MYO7A: variants seen among roughly 807,000 people sequenced by gnomAD.
The protein encoded by MYO7A is unconventional myosin-VIIa.
In MYO7A, 210 loss-of-function variants were observed where a neutral mutation model predicts 263.8. The ratio of observed to expected loss-of-function variants is 0.80; its 90% CI spans 0.71 to 0.89. MYO7A has a LOEUF of 0.89. MYO7A is among the 40% of genes least tolerant of loss of function. MYO7A has a pLI of 0.00. For missense variants in MYO7A, 2,820 were observed against 2,968.3 expected (o/e 0.95, Z 1.16); for synonymous variants, 1,239 against 1,197.3 (o/e 1.03, Z -0.72).
intron 5 of MYO7A, 112 bp from the exon 6 acceptor site, chr11:77,156,548 C>G: frequency 6.7e-7 from 1 of 1,491,046 alleles, no homozygotes; most frequent in Non-Finnish European, 9.2e-7. Flanking sequence ...TCCGTATTGT[C>G]AGCTGATATT....
intron 32 of MYO7A, among the ~76,000 whole-genome samples, chr11:77,196,039 C>G (rs773320115): frequency 1.3e-5 from 2 of 152,202 alleles, no homozygotes; most frequent in African/African-American, 4.8e-5. Flanking sequence ...TGGATTACAG[C>G]CCACCCAAGA....
At chr11:77,149,094 A>C (rs931820669) in intron 4 of MYO7A, among the ~76,000 whole-genome samples, 1 of 152,228 alleles carries the variant, frequency 6.6e-6, no homozygotes, top group African/African-American at 2.4e-5. Context: ...AGACAGGGAA[A>C]CTGAGACTCC....
At position 77,181,419 on chromosome 11, in the gene MYO7A, G is replaced by A. The variant is rs1392996696; in HGVS notation, c.2734G>A (p.Glu912Lys). The A allele has an allele frequency of 3.1e-6, 5 of 1,590,038 alleles. No homozygotes were observed. The highest frequency in any genetic ancestry group is 4.3e-6 in the Non-Finnish European group (5 of 1,168,996). The change falls in exon 23 of 49, where the codon GAG becomes AAG. Residue 912 changes from glutamate to lysine, a missense_variant. By Grantham distance (56) the Glu-to-Lys change is moderately conservative. Transcript: ENST00000409709. ...GCTGGCTCGTGAGGACGCTGAGCGG[G>A]AGCTGAAGGAGAAGGAGGCCGCTCG... The part of the protein sequence containing the change: ...AQLAREDAER[E>K]LKEKEAARRK...
chr11:77,142,665 C>A (rs1555051303), intron 2 of MYO7A, 44 bp from the exon 3 acceptor site: 1 of 1,523,236 alleles, frequency 6.6e-7, no homozygotes, highest in East Asian at 2.4e-5. Flanking sequence ...GGGCTCCAAT[C>A]CCCCTCCCTG....
rs1472934256 is a variant in MYO7A at position 77,190,138 on chromosome 11, A to G, written c.3749A>G (p.Gln1250Arg). Reference sequence around the variant, plus strand: ...CAGCCGCCCAGCTGGCTGGAGCTGCAGGTTCGTGCGTGTGTATGCACGTGC... The same window carrying G: ...CAGCCGCCCAGCTGGCTGGAGCTGCGGGTTCGTGCGTGTGTATGCACGTGC... The part of the protein sequence containing the change: ...RTQPPSWLEL[Q>R]ATKSKKPIML... Residue 1250 changes from glutamine to arginine, a missense_variant and splice_region_variant, in exon 29 of 49, where the codon CAG (glutamine) becomes CGG (arginine). Gln to Arg is a conservative substitution (Grantham distance 43). Transcript: ENST00000409709. 5 of 1,558,794 alleles carry G rather than the reference A, an allele frequency of 3.2e-6. No homozygotes were observed. The South Asian group carries it at 4.8e-5, about 15-fold the overall frequency.
intron 27 of MYO7A, 54 bp from the exon 28 acceptor site, chr11:77,189,290 C>G (rs879958307): frequency 1.9e-5 from 31 of 1,605,334 alleles, no homozygotes; most frequent in Non-Finnish European, 2.6e-5. Flanking sequence ...GAGGTGGGGA[C>G]CGGGGCTGTT....
In MYO7A at chr11:77,156,678, G is replaced by T; in HGVS notation, c.489G>T (p.Gly163=). The change falls in exon 6 of 49, where the codon GGG becomes GGT. Residue 163 remains glycine (G), a synonymous_variant. Coordinates refer to ENST00000409709, the MANE Select transcript of MYO7A (RefSeq NM_000260.4). Reference sequence around the variant, plus strand: ...TCTGCAGTGGGGAATCTGGGGCCGGGAAGACGGAGAGCACAAAGCTGATCC... The same window carrying T: ...TCTGCAGTGGGGAATCTGGGGCCGGTAAGACGGAGAGCACAAAGCTGATCC... The part of the protein sequence containing the change: ...CCIISGESGA[G]KTESTKLILQ... The T allele has an allele frequency of 1.2e-6, 2 of 1,613,958 alleles. No homozygotes were observed. Among genetic ancestry groups the T allele is most frequent in the Non-Finnish European group, 1.7e-6 (2 of 1,179,896 alleles).
intron 4 of MYO7A, among the ~76,000 whole-genome samples, chr11:77,154,266 G>A (rs1236256068): frequency 6.6e-6 from 1 of 152,138 alleles, no homozygotes; most frequent in Non-Finnish European, 1.5e-5. Flanking sequence ...ATGTTCTTTG[G>A]GGCTGGTTCC....
chr11:77,182,376 T>G (rs1373212536), intron 24 of MYO7A, 48 bp from the exon 25 acceptor site: 15 of 1,544,960 alleles, frequency 9.7e-6, no homozygotes, highest in Non-Finnish European at 1.2e-5. Flanking sequence ...TTTGACAGCT[T>G]TAGCAATGTC....
At chr11:77,196,210 T>C (rs1956650058) in intron 32 of MYO7A, among the ~76,000 whole-genome samples, 1 of 152,180 alleles carries the variant, frequency 6.6e-6, no homozygotes, top group Non-Finnish European at 1.5e-5. Flanking sequence ...CTACTAAAAA[T>C]GCAAAAATTC....
intron 15 of MYO7A, among the ~76,000 whole-genome samples, chr11:77,170,808 G>T (rs1186484630): frequency 6.6e-6 from 1 of 152,190 alleles, no homozygotes; most frequent in Non-Finnish European, 1.5e-5. Flanking sequence ...GCTGGGACCA[G>T]GCTGACGGTG....
chr11:77,204,103 C>G lies in MYO7A; in HGVS notation c.5354C>G (p.Pro1785Arg). 1 of 1,601,366 alleles carries G rather than the reference C, an allele frequency of 6.2e-7. No homozygotes were observed. The highest frequency in any genetic ancestry group is 8.5e-7 in the Non-Finnish European group (1 of 1,174,206). ...GTGCTCAAGTACATGGGCGACTACCCGTCCAAGAGGACACGCTCCGTCAAC... is the reference window on the plus strand; with the variant it reads ...GTGCTCAAGTACATGGGCGACTACCGGTCCAAGAGGACACGCTCCGTCAAC... ...IAVLKYMGDY[P>R]SKRTRSVNEL... The change falls in exon 39 of 49, where the codon CCG (proline) becomes CGG (arginine). Residue 1785 changes from proline to arginine, a missense_variant. Coordinates refer to ENST00000409709, the MANE Select transcript of MYO7A (RefSeq NM_000260.4).
At chr11:77,184,755 T>A in intron 27 of MYO7A, 40 bp downstream of exon 27, 1 of 1,583,676 alleles carries the variant, frequency 6.3e-7, no homozygotes, top group Non-Finnish European at 8.6e-7. Context: ...CCTGAAAGTC[T>A]TTTGGTGGCT....
chr11:77,201,851 G>T (rs1208108514), intron 36 of MYO7A, among the ~76,000 whole-genome samples: 1 of 144,226 alleles, frequency 6.9e-6, no homozygotes, highest in African/African-American at 2.5e-5. Context: ...ACTGCCAAGG[G>T]GTGGGGCCGG....
At chr11:77,160,798 C>T (rs963302727) in intron 11 of MYO7A, among the ~76,000 whole-genome samples, 175 bp from the exon 12 acceptor site, 1 of 152,054 alleles carries the variant, frequency 6.6e-6, no homozygotes, top group Non-Finnish European at 1.5e-5. Context: ...AGGAACTGTT[C>T]AAGCAGGAAA....
intron 35 of MYO7A, among the ~76,000 whole-genome samples, chr11:77,200,275 A>G (rs1179394064): frequency 6.6e-6 from 1 of 152,024 alleles, no homozygotes; most frequent in Non-Finnish European, 1.5e-5. Context: ...TCTCTTAAAA[A>G]AAAAAAAGAA....
intron 31 of MYO7A, among the ~76,000 whole-genome samples, chr11:77,193,010 A>G (rs1463028208): frequency 2.4e-5 from 3 of 127,368 alleles, no homozygotes; most frequent in Non-Finnish European, 4.8e-5. Flanking sequence ...GCTGTTGGTG[A>G]TGGTGGAGGT....
rs556699397 is a variant in MYO7A at position 77,179,685 on chromosome 11, A to G, written c.2368-50A>G. The G allele has an allele frequency of 5.9e-5, 87 of 1,463,402 alleles. 1 individual carries two copies. In the African/African-American group the frequency reaches 1.2e-3, roughly 19 times the overall value. 90.7% of individuals were successfully genotyped at this position (1,463,402 alleles called of 1,614,324 possible). On this transcript the variant is annotated intron_variant, in intron 20 of 48. Coordinates refer to ENST00000409709, the MANE Select transcript of MYO7A (RefSeq NM_000260.4). ...CATGGAAGCTCCTGCAGGCAGGGTC[A>G]GTCTGGAATGGGACAGCAGGCTCTG...
intron 2 of MYO7A, among the ~76,000 whole-genome samples, chr11:77,136,735 G>A (rs928093279): frequency 1.3e-5 from 2 of 152,208 alleles, no homozygotes; most frequent in Non-Finnish European, 2.9e-5. Context: ...GACGGATGAG[G>A]AAAGAAAGGA....
Sources: gnomAD v4.1 joint callset for allele counts (sites outside exome capture counted in the v4.1 genomes callset) on GRCh38, gnomAD v4.1.1 for gene constraint, MANE v1.5 for transcripts, NCBI Gene and HGNC (gene_info 2026-07-23, HGNC 2026-07-21) for gene names.